Variants in FILIP1L observed in about 807,000 individuals in gnomAD.
FILIP1L encodes the protein filamin A interacting protein 1 like, also known as filamin A-interacting protein 1-like.
In FILIP1L, 55 loss-of-function variants were observed where a neutral mutation model predicts 96.6. The observed-to-expected ratio is 0.57, with a 90% CI of 0.46 to 0.71. The LOEUF is 0.71. Among genes scored for constraint, FILIP1L ranks in the 30% least tolerant of loss-of-function variants. The pLI is 0.00. For synonymous variants in FILIP1L, 467 were observed against 473.9 expected, an observed-to-expected ratio of 0.99 and a Z score of 0.19; for missense variants, 1,304 against 1,321.2, an observed-to-expected ratio of 0.99 and a Z score of 0.20.
chr3:99,983,464 G>A (rs9879664), intron 1 of FILIP1L, among the ~76,000 whole-genome samples: 829 of 12,216 alleles, frequency 0.068, 21 homozygotes, highest in South Asian at 0.088. Context: ...ATATATGTGT[G>A]TATATATATA....
At chr3:99,973,471 CA>C (rs1195272817) in intron 1 of FILIP1L, among the ~76,000 whole-genome samples, 3 of 152,128 alleles carry the variant, frequency 2.0e-5, no homozygotes, top group African/African-American at 7.2e-5. Flanking sequence ...GTTATAAATA[CA>C]TATGAAAATT....
chr3:100,038,979 A>G (rs1024826557), intron 1 of FILIP1L, among the ~76,000 whole-genome samples: 1 of 152,212 alleles, frequency 6.6e-6, no homozygotes, highest in Non-Finnish European at 1.5e-5. Context: ...TGCACACACA[A>G]TATTGCTTGC....
chr3:100,046,261 G>C (rs2065277617), intron 1 of FILIP1L, among the ~76,000 whole-genome samples: 1 of 152,166 alleles, frequency 6.6e-6, no homozygotes, highest in Non-Finnish European at 1.5e-5. Flanking sequence ...CTTCTTTAGA[G>C]TTGTGAAAAT....
chr3:99,947,137 CAAAAAAAAA>C (rs397829321), intron 1 of FILIP1L, among the ~76,000 whole-genome samples: 7 of 88,826 alleles, frequency 7.9e-5, no homozygotes, highest in African/African-American at 3.3e-4. Context: ...GACTCTGTCT[CAAAAAAAAA>C]AAAAAAAAAA....
At chr3:100,044,056 A>T (rs1277435109) in intron 1 of FILIP1L, among the ~76,000 whole-genome samples, 1 of 152,202 alleles carries the variant, frequency 6.6e-6, no homozygotes, top group African/African-American at 2.4e-5. Context: ...CATTGGGTGT[A>T]TATACCATAT....
At chr3:99,988,729 A>G (rs924481761) in intron 1 of FILIP1L, among the ~76,000 whole-genome samples, 1 of 152,164 alleles carries the variant, frequency 6.6e-6, no homozygotes. Context: ...TAAAAAAAGC[A>G]TTGTCTGGAT....
At chr3:99,861,563 T>C (rs2107556112) in intron 4 of FILIP1L, among the ~76,000 whole-genome samples, 2 of 152,314 alleles carry the variant, frequency 1.3e-5, no homozygotes, top group South Asian at 4.1e-4. Context: ...GATTTTGTAC[T>C]CTCTGTGATC....
At chr3:100,026,351 C>T (rs751236699) in intron 1 of FILIP1L, among the ~76,000 whole-genome samples, 4 of 151,912 alleles carry the variant, frequency 2.6e-5, no homozygotes, top group East Asian at 3.9e-4. Context: ...CAGACAGGCA[C>T]GGACAGCTAT....
intron 1 of FILIP1L, among the ~76,000 whole-genome samples, chr3:100,055,701 A>G (rs1458292593): frequency 6.6e-6 from 1 of 152,314 alleles, no homozygotes; most frequent in East Asian, 1.9e-4. Flanking sequence ...TTAGTAGTCA[A>G]ACATTCTTGA....
intron 1 of FILIP1L, among the ~76,000 whole-genome samples, chr3:100,048,750 A>G (rs2065319891): frequency 6.6e-6 from 1 of 152,170 alleles, no homozygotes; most frequent in South Asian, 2.1e-4. Flanking sequence ...ATGGACAAAG[A>G]CTGGGATTCC....
intron 1 of FILIP1L, among the ~76,000 whole-genome samples, chr3:100,020,759 G>GC (rs2064797750): frequency 9.0e-6 from 1 of 111,628 alleles, no homozygotes; most frequent in African/African-American, 3.5e-5. Flanking sequence ...TGAATAATTA[G>GC]CTTTTTTTTT....
chr3:100,082,505 A>T (rs1478049944), intron 1 of FILIP1L, among the ~76,000 whole-genome samples: 1 of 152,194 alleles, frequency 6.6e-6, no homozygotes, highest in African/African-American at 2.4e-5. Flanking sequence ...ATTCGTTTCC[A>T]GGAATCTCTT....
intron 5 of FILIP1L, among the ~76,000 whole-genome samples, chr3:99,843,833 T>A (rs1236279132): frequency 2.6e-5 from 4 of 152,066 alleles, no homozygotes; most frequent in African/African-American, 7.2e-5. Context: ...CTGCCTGAGC[T>A]CTGCCTCCTG....
At chr3:99,864,122 A>G (rs1011065666) in intron 4 of FILIP1L, among the ~76,000 whole-genome samples, 6 of 152,236 alleles carry the variant, frequency 3.9e-5, no homozygotes, top group Non-Finnish European at 7.3e-5. Flanking sequence ...GAAATTATTA[A>G]GATAGATTGT....
chr3:100,033,698 C>T (rs896594145), intron 1 of FILIP1L, among the ~76,000 whole-genome samples: 1 of 152,074 alleles, frequency 6.6e-6, no homozygotes, highest in Non-Finnish European at 1.5e-5. Context: ...GCCTCTTTGA[C>T]AATTCAGAAT....
Position 99,886,075 on chromosome 3 carries a change from G to A in FILIP1L, c.606-35005C>T, listed in dbSNP as rs557205224. Among the ~76,000 whole-genome samples the A allele has an allele frequency of 1.2e-4, 19 of 152,326 alleles. No individual in the cohort carries two copies. The East Asian group carries it at 3.7e-3, about 29-fold the overall frequency. On this transcript the variant is annotated intron_variant, in intron 4 of 5. Coordinates refer to ENST00000477258, the MANE Select transcript of FILIP1L (RefSeq NM_001387850.1). ...ACACTTTCCTTTCTATATCAAGGAA[G>A]GTGGAATATTCAAACAGAACACTCT...
chr3:99,918,414 G>A lies in FILIP1L; in HGVS notation c.605+5816C>T, dbSNP rs1185542011. ...TTCATCCCTCACTAGGCTTGTTAAT[G>A]TTTTCTTTTTAGCATTCATAGTATT... On this transcript the variant is annotated intron_variant, in intron 4 of 5. Coordinates refer to ENST00000477258, the MANE Select transcript of FILIP1L (RefSeq NM_001387850.1). 2.0e-5 allele frequency among the ~76,000 whole-genome samples: 3 copies of A among 152,260 alleles called. No individual in the cohort carries two copies. The East Asian group carries it at 5.8e-4, about 29-fold the overall frequency.
intron 1 of FILIP1L, among the ~76,000 whole-genome samples, chr3:100,000,016 C>T (rs2107161087): frequency 6.6e-6 from 1 of 152,294 alleles, no homozygotes; most frequent in African/African-American, 2.4e-5. Context: ...TACCAGACTC[C>T]ACCTCCAGAG....
At chr3:100,035,274 G>GTAT (rs1232574387) in intron 1 of FILIP1L, among the ~76,000 whole-genome samples, 2 of 151,832 alleles carry the variant, frequency 1.3e-5, no homozygotes, top group Admixed American at 6.6e-5. Context: ...TAAATTATTA[G>GTAT]TATTATTATT....
Sources: allele counts gnomAD v4.1 joint callset (sites outside exome capture counted in the v4.1 genomes callset), GRCh38; gene constraint gnomAD v4.1.1; transcripts MANE v1.5; gene names NCBI Gene and HGNC (gene_info 2026-07-23, HGNC 2026-07-21).